EDA: variants seen among roughly 807,000 people sequenced by gnomAD.
The protein encoded by EDA is ectodysplasin-A.
EDA carries 2 observed loss-of-function variants against 23.6 expected under a neutral mutation model. That is an observed-to-expected ratio of 0.08 (90% CI 0.03 to 0.27). EDA has a LOEUF of 0.27. Among genes scored for constraint, EDA ranks in the 10% least tolerant of loss-of-function variants. The pLI is 1.00. For synonymous variants in EDA, 131 were observed against 132.0 expected, an observed-to-expected ratio of 0.99 and a Z score of 0.05; for missense variants, 229 against 324.2, an observed-to-expected ratio of 0.71 and a Z score of 2.26.
intron 1 of EDA, among the ~76,000 whole-genome samples, chrX:69,621,820 A>G (rs912556604): frequency 1.8e-5 from 2 of 111,491 alleles, no homozygotes; most frequent in African/African-American, 6.5e-5. Context: ...AGCTCACTGC[A>G]GCCATAACCT....
chrX:69,718,025 C>T (rs917687556), intron 1 of EDA, among the ~76,000 whole-genome samples: 2 of 111,808 alleles, frequency 1.8e-5, no homozygotes, highest in African/African-American at 6.5e-5. Context: ...TCCCCTTCAC[C>T]TTCTGCCGTG....
intron 1 of EDA, among the ~76,000 whole-genome samples, chrX:69,925,783 C>CTT (rs147114575): frequency 0.017 from 1,388 of 82,439 alleles, 17 homozygotes; most frequent in Non-Finnish European, 0.025. Flanking sequence ...TGGTCCTGGG[C>CTT]TTTTTTTTTT....
At chrX:69,736,097 G>A (rs1256651791) in intron 1 of EDA, among the ~76,000 whole-genome samples, 1 of 109,327 alleles carries the variant, frequency 9.1e-6, no homozygotes, top group Non-Finnish European at 1.9e-5. Context: ...ACCTGAGGTC[G>A]GGAGTTCAAG....
intron 1 of EDA, among the ~76,000 whole-genome samples, chrX:69,860,526 ATT>A (rs1276140110): frequency 9.0e-6 from 1 of 111,161 alleles, no homozygotes; most frequent in Non-Finnish European, 1.9e-5. Flanking sequence ...GTTGGAATTT[ATT>A]TTCTTTAAGA....
chrX:69,677,579 G>A (rs1346081135), intron 1 of EDA, among the ~76,000 whole-genome samples: 1 of 112,839 alleles, frequency 8.9e-6, no homozygotes, highest in Non-Finnish European at 1.9e-5. Context: ...CTGATGGCCA[G>A]TGATGGTGAG....
chrX:69,952,840 G>A (rs1206274639), intron 1 of EDA, among the ~76,000 whole-genome samples: 1 of 112,191 alleles, frequency 8.9e-6, no homozygotes, highest in African/African-American at 3.2e-5. Context: ...CCACTAGGAT[G>A]CAGGAAGGTG....
chrX:69,723,244 T>G lies in EDA; in HGVS notation c.396+106540T>G, dbSNP rs776739961. On this transcript the variant is annotated intron_variant, in intron 1 of 7. Transcript: ENST00000374552. ...ATGCAATTGGTGTGTAGGTGTTAAA[T>G]TAGCCTTTCTGGTTAACCATCCATA... Among the ~76,000 whole-genome samples, 3 of 112,332 alleles carry G rather than the reference T, an allele frequency of 2.7e-5. No individual in the cohort carries two copies. In the East Asian group the frequency reaches 8.4e-4, roughly 31 times the overall value.
chrX:69,983,552 A>G (rs1323220866), intron 2 of EDA, among the ~76,000 whole-genome samples: 9 of 22,807 alleles, frequency 3.9e-4, no homozygotes, highest in African/African-American at 1.7e-3. Context: ...TCTGGGTTGA[A>G]AATTCTTTTC....
At chrX:69,659,347 A>C (rs1402479214) in intron 1 of EDA, among the ~76,000 whole-genome samples, 2 of 112,146 alleles carry the variant, frequency 1.8e-5, no homozygotes, top group African/African-American at 6.5e-5. Context: ...GGCAGTCCCC[A>C]ATTTTCACCA....
intron 1 of EDA, among the ~76,000 whole-genome samples, chrX:69,858,784 T>C (rs895981826): frequency 5.4e-5 from 6 of 112,104 alleles, no homozygotes; most frequent in African/African-American, 1.6e-4. Context: ...ATCATTTTTT[T>C]GAAATAGTTT....
intron 1 of EDA, among the ~76,000 whole-genome samples, chrX:69,804,337 G>A (rs1021693474): frequency 1.5e-4 from 17 of 111,420 alleles, no homozygotes; most frequent in African/African-American, 5.5e-4. Flanking sequence ...ATAGAAAGTA[G>A]ATAAGATTTC....
At chrX:69,655,161 C>G (rs779202740) in intron 1 of EDA, among the ~76,000 whole-genome samples, 21 of 111,535 alleles carry the variant, frequency 1.9e-4, no homozygotes, top group Non-Finnish European at 1.3e-4. Context: ...TTTGGGAGGC[C>G]GAGTTGGGCA....
chrX:69,952,868 A>G (rs2147412921), intron 1 of EDA, among the ~76,000 whole-genome samples: 1 of 112,283 alleles, frequency 8.9e-6, no homozygotes, highest in African/African-American at 3.2e-5. Flanking sequence ...CCCTGCCAGA[A>G]CTCCCATAGG....
Position 69,616,156 on chromosome X carries a change from C to G in EDA, c.-153C>G. On this transcript the variant is annotated 5_prime_UTR_variant, in exon 1 of 8. Coordinates refer to ENST00000374552, the MANE Select transcript of EDA (RefSeq NM_001399.5). ...AGTAGAGCTGCACATGCGGCTGCTCCCTGCTCCGTCCCGCCCAGCCACTGT... is the reference window on the plus strand; with the variant it reads ...AGTAGAGCTGCACATGCGGCTGCTCGCTGCTCCGTCCCGCCCAGCCACTGT... 1.7e-6 allele frequency: 1 copy of G among 599,761 alleles called. No homozygotes were observed. The highest frequency in any genetic ancestry group is 2.6e-6 in the Non-Finnish European group (1 of 389,524). The allele number at this position is 599,761 out of a possible 1,213,427, so 49.4% of individuals were successfully genotyped here.
chrX:69,829,171 A>G (rs1438093882), intron 1 of EDA, among the ~76,000 whole-genome samples: 11 of 112,292 alleles, frequency 9.8e-5, no homozygotes, highest in African/African-American at 3.2e-5. Context: ...AACCTTTTCT[A>G]TCTTGTTCAT....
intron 2 of EDA, among the ~76,000 whole-genome samples, chrX:69,960,862 A>G (rs1206074890): frequency 2.8e-5 from 3 of 108,555 alleles, no homozygotes; most frequent in Non-Finnish European, 5.7e-5. Flanking sequence ...AATACAAAAA[A>G]AAAAAAAATA....
intron 1 of EDA, chrX:69,617,070 G>GT (rs1391443400): frequency 1.9e-5 from 7 of 367,745 alleles, no homozygotes; most frequent in Non-Finnish European, 2.9e-5. Flanking sequence ...CGCGGTGCTT[G>GT]TTTTTTCGTG....
chrX:69,916,310 C>T (rs756334988), intron 1 of EDA, among the ~76,000 whole-genome samples: 3 of 108,898 alleles, frequency 2.8e-5, no homozygotes, highest in South Asian at 7.9e-4. Flanking sequence ...TAGAATGCAA[C>T]GTTTATATGA....
intron 1 of EDA, among the ~76,000 whole-genome samples, chrX:69,646,549 C>A (rs1419858272): frequency 7.2e-5 from 8 of 111,663 alleles, no homozygotes; most frequent in African/African-American, 2.6e-4. Context: ...TTCCTTCATC[C>A]CTTTATTTTG....
Sources: gnomAD v4.1 joint callset for allele counts (sites outside exome capture counted in the v4.1 genomes callset) on GRCh38, gnomAD v4.1.1 for gene constraint, MANE v1.5 for transcripts, NCBI Gene and HGNC (gene_info 2026-07-23, HGNC 2026-07-21) for gene names.